PTPRG: variants seen among roughly 807,000 people sequenced by gnomAD.
PTPRG encodes the protein receptor-type tyrosine-protein phosphatase gamma.
PTPRG carries 102 observed loss-of-function variants against 165.3 expected under a neutral mutation model. The ratio of observed to expected loss-of-function variants is 0.62; its 90% CI spans 0.53 to 0.73. PTPRG has a LOEUF of 0.73. Ranked by LOEUF, PTPRG falls within the 30% of genes least tolerant of loss-of-function variation. The probability of loss-of-function intolerance (pLI) is 0.00; values close to 1 mark genes in which losing one functional copy is unlikely to be tolerated. For synonymous variants in PTPRG, 675 were observed against 669.5 expected (o/e 1.01, Z -0.13); for missense variants, 1,866 against 1,861.4 (o/e 1.00, Z -0.05).
In PTPRG at chr3:62,188,219, T is replaced by A. The variant is rs565760140; in HGVS notation, c.1034-3250T>A. ...TGAAACCCCGTCTCTATTTTAAAAATTTAAAATTAGCTAAGTGTGGTGGTA... is the reference window on the plus strand; with the variant it reads ...TGAAACCCCGTCTCTATTTTAAAAAATTAAAATTAGCTAAGTGTGGTGGTA... On this transcript the variant is annotated intron_variant, in intron 8 of 29. Transcript: ENST00000474889. Among the ~76,000 whole-genome samples, 19 of 151,508 alleles carry A rather than the reference T, an allele frequency of 1.3e-4. No homozygotes were observed. The South Asian group carries it at 4.0e-3, about 32-fold the overall frequency.
intron 17 of PTPRG, among the ~76,000 whole-genome samples, chr3:62,265,987 T>C (rs1405797527): frequency 1.3e-5 from 2 of 151,274 alleles, no homozygotes; most frequent in Admixed American, 1.3e-4. Flanking sequence ...ACTGCCTTGC[T>C]AAAAGTATTG....
intron 2 of PTPRG, among the ~76,000 whole-genome samples, chr3:61,755,243 A>C (rs955892512): frequency 2.6e-5 from 4 of 151,936 alleles, no homozygotes; most frequent in African/African-American, 9.7e-5. Flanking sequence ...CCTGACCTCA[A>C]GTGATCTGCC....
At chr3:61,944,040 G>A (rs1036874309) in intron 2 of PTPRG, among the ~76,000 whole-genome samples, 1 of 152,144 alleles carries the variant, frequency 6.6e-6, no homozygotes, top group Admixed American at 6.5e-5. Context: ...AGCAAACAAA[G>A]TACCACATTT....
chr3:61,812,101 G>A (rs1051925815), intron 2 of PTPRG, among the ~76,000 whole-genome samples: 5 of 152,160 alleles, frequency 3.3e-5, no homozygotes, highest in African/African-American at 7.2e-5. Context: ...GGATATAAAC[G>A]TGTGGTTTTG....
intron 2 of PTPRG, among the ~76,000 whole-genome samples, chr3:61,923,737 C>T (rs2039139859): frequency 7.5e-6 from 1 of 132,486 alleles, no homozygotes; most frequent in Non-Finnish European, 1.5e-5. Context: ...CACCATGTTG[C>T]ACAGGCTGGT....
Position 61,802,364 on chromosome 3 carries a change from G to C in PTPRG, c.190+53382G>C, listed in dbSNP as rs2107175214. On this transcript the variant is annotated intron_variant, in intron 2 of 29. Coordinates refer to ENST00000474889, the MANE Select transcript of PTPRG (RefSeq NM_002841.4). The stretch of plus-strand genomic sequence containing the variant: ...AATAGAGCTTGAGAAGCTGGCCAAA[G>C]AGAAGATGAAATGAATGCTGGTTGC... Among the ~76,000 whole-genome samples, 3 of 152,218 alleles carry C rather than the reference G, an allele frequency of 2.0e-5. No individual in the cohort carries two copies. The South Asian group carries it at 6.2e-4, about 32-fold the overall frequency.
chr3:62,117,487 G>A (rs1702908441), intron 5 of PTPRG, among the ~76,000 whole-genome samples: 1 of 152,112 alleles, frequency 6.6e-6, no homozygotes, highest in African/African-American at 2.4e-5. Context: ...TAGATTTTTG[G>A]AGATTTTCCT....
intron 2 of PTPRG, among the ~76,000 whole-genome samples, chr3:61,848,833 A>G (rs548363590): frequency 2.4e-4 from 36 of 152,314 alleles, no homozygotes; most frequent in African/African-American, 7.5e-4. Context: ...GCCAAGCACA[A>G]TGCACTTGTT....
At position 62,293,209 on chromosome 3, in the gene PTPRG, A is replaced by G. The variant is rs1702961773; in HGVS notation, c.4240A>G (p.Lys1414Glu). 1.2e-6 allele frequency: 2 copies of G among 1,610,980 alleles called. No homozygotes were observed. The highest frequency in any genetic ancestry group is 1.7e-6 in the Non-Finnish European group (2 of 1,178,770). Residue 1414 changes from lysine (K) to glutamate (E), a missense_variant, in exon 30 of 30, where the codon AAA (lysine) becomes GAA (glutamate). Lys to Glu is a moderately conservative substitution (Grantham distance 56). Around this residue, in one of 3 missense-constraint regions of PTPRG, gnomAD observed 1,452 missense variants for 1,463.0 expected, o/e 0.99. Transcript: ENST00000474889. ...AGCAATGCTTAGCTTGGTCAGCACT[A>G]AAGAAAATGGAAATGGTCCCATGAC... is the stretch of plus-strand genomic sequence containing the variant. The part of the protein sequence containing the change: ...YKAMLSLVST[K>E]ENGNGPMTVD...
At chr3:61,986,112 C>T (rs550580361) in intron 2 of PTPRG, among the ~76,000 whole-genome samples, 66 of 148,484 alleles carry the variant, frequency 4.4e-4, no homozygotes, top group African/African-American at 1.4e-3. Flanking sequence ...ATATTTAATA[C>T]GACAATCATC....
At chr3:62,084,304 T>C (rs1421245725) in intron 5 of PTPRG, among the ~76,000 whole-genome samples, 2 of 152,250 alleles carry the variant, frequency 1.3e-5, no homozygotes, top group East Asian at 1.9e-4. Context: ...CCAACTCTAC[T>C]GCAGTTTCCT....
intron 2 of PTPRG, among the ~76,000 whole-genome samples, chr3:61,776,871 C>A (rs2034398822): frequency 6.6e-6 from 1 of 152,068 alleles, no homozygotes; most frequent in Non-Finnish European, 1.5e-5. Flanking sequence ...TTTTGCTCCA[C>A]CCCTTAATTT....
intron 1 of PTPRG, among the ~76,000 whole-genome samples, chr3:61,684,062 C>G (rs921710472): frequency 1.3e-5 from 2 of 152,202 alleles, no homozygotes; most frequent in Non-Finnish European, 2.9e-5. Flanking sequence ...GGAGACTAAA[C>G]AGCTATGAGG....
At chr3:62,060,927 CAT>C (rs1240794407) in intron 4 of PTPRG, among the ~76,000 whole-genome samples, 7 of 152,294 alleles carry the variant, frequency 4.6e-5, no homozygotes, top group Admixed American at 2.0e-4. Flanking sequence ...ACAGAATCAA[CAT>C]AGTTCTTTTT....
At chr3:61,800,138 A>G (rs1243373187) in intron 2 of PTPRG, among the ~76,000 whole-genome samples, 1 of 152,162 alleles carries the variant, frequency 6.6e-6, no homozygotes, top group Admixed American at 6.5e-5. Context: ...TACTGAATAA[A>G]TATTGTGTGA....
At chr3:61,912,021 T>G (rs1435619641) in intron 2 of PTPRG, among the ~76,000 whole-genome samples, 1 of 152,208 alleles carries the variant, frequency 6.6e-6, no homozygotes, top group Non-Finnish European at 1.5e-5. Flanking sequence ...GTGCATCATT[T>G]GATGTCCTTC....
intron 1 of PTPRG, among the ~76,000 whole-genome samples, chr3:61,650,183 G>A (rs780763613): frequency 6.6e-6 from 1 of 152,184 alleles, no homozygotes; most frequent in Non-Finnish European, 1.5e-5. Context: ...AACCAGAGCT[G>A]TACACGGCTG....
At chr3:62,113,087 T>C (rs1250160110) in intron 5 of PTPRG, among the ~76,000 whole-genome samples, 1 of 152,206 alleles carries the variant, frequency 6.6e-6, no homozygotes, top group East Asian at 1.9e-4. Context: ...ACCAGCTTCT[T>C]AGGTTTAGTG....
intron 8 of PTPRG, among the ~76,000 whole-genome samples, chr3:62,184,177 G>A (rs1345403912): frequency 6.6e-6 from 1 of 152,190 alleles, no homozygotes; most frequent in Admixed American, 6.5e-5. Flanking sequence ...GATGATCCGA[G>A]AGGAATGCAC....
Sources: allele counts gnomAD v4.1 joint callset (sites outside exome capture counted in the v4.1 genomes callset), GRCh38; gene constraint gnomAD v4.1.1; regional missense constraint gnomAD v4.1.1; transcripts MANE v1.5; gene names NCBI Gene and HGNC (gene_info 2026-07-23, HGNC 2026-07-21).